SOX5: variants seen among roughly 807,000 people sequenced by gnomAD.
SOX5 encodes the protein transcription factor SOX-5.
A neutral mutation model predicts 92.0 loss-of-function variants in SOX5; 9 were observed. The observed-to-expected ratio is 0.10, with a 90% CI of 0.06 to 0.17. SOX5 has a LOEUF of 0.17. SOX5 is among the 10% of genes least tolerant of loss of function. The pLI is 1.00. For synonymous variants in SOX5, 344 were observed against 336.3 expected, an observed-to-expected ratio of 1.02 and a Z score of -0.25; for missense variants, 642 against 944.5, an observed-to-expected ratio of 0.68 and a Z score of 4.20.
At chr12:24,040,695 A>G (rs897900355) in intron 4 of SOX5, among the ~76,000 whole-genome samples, 4 of 152,030 alleles carry the variant, frequency 2.6e-5, no homozygotes, top group African/African-American at 9.7e-5. Flanking sequence ...ACACGGTGAA[A>G]CCCCATCTCT....
At chr12:23,582,045 G>T in intron 9 of SOX5, 1 of 540,116 alleles carries the variant, frequency 1.9e-6, no homozygotes, top group South Asian at 8.0e-5. Flanking sequence ...CATGAAACAT[G>T]TTGCAAAATT....
At chr12:23,978,190 A>G (rs1949133932) in intron 4 of SOX5, among the ~76,000 whole-genome samples, 1 of 152,216 alleles carries the variant, frequency 6.6e-6, no homozygotes, top group African/African-American at 2.4e-5. Flanking sequence ...ATTTCCAAGA[A>G]CAGATTGACT....
chr12:24,501,338 G>C (rs1453837511), intron 1 of SOX5, among the ~76,000 whole-genome samples: 1 of 149,706 alleles, frequency 6.7e-6, no homozygotes, highest in Admixed American at 6.7e-5. Flanking sequence ...GGCAAGATAT[G>C]TGCGTTTGGG....
intron 4 of SOX5, among the ~76,000 whole-genome samples, chr12:24,068,727 TATATATATATATATATATATACAC>T (rs1157048312): frequency 2.6e-5 from 3 of 113,690 alleles, no homozygotes; most frequent in South Asian, 3.3e-4. Context: ...TATATATATA[TATATATATATATATATATATACAC>T]ACACACACAT....
chr12:24,122,920 C>T (rs1381778720), intron 4 of SOX5, among the ~76,000 whole-genome samples: 1 of 152,234 alleles, frequency 6.6e-6, no homozygotes. Context: ...AGAAACTGCT[C>T]TTGGGCTGCT....
intron 2 of SOX5, among the ~76,000 whole-genome samples, chr12:24,311,768 T>C (rs1403408832): frequency 6.6e-6 from 1 of 152,176 alleles, no homozygotes; most frequent in African/African-American, 2.4e-5. Context: ...TGGCCAGTCA[T>C]AGTATCCCCA....
At chr12:24,171,221 G>T (rs945136041) in intron 4 of SOX5, among the ~76,000 whole-genome samples, 12,743 of 44,334 alleles carry the variant, frequency 0.29, 2,883 homozygotes, top group African/African-American at 0.38. Context: ...TTTTTTGTTT[G>T]TTTGTTTGTT....
At chr12:23,890,296 G>A (rs1011543100) in intron 2 of SOX5, among the ~76,000 whole-genome samples, 2 of 150,436 alleles carry the variant, frequency 1.3e-5, no homozygotes, top group Non-Finnish European at 2.9e-5. Context: ...CTCCAGCCTA[G>A]GCAACAAGAA....
chr12:24,464,446 T>G, intron 1 of SOX5, among the ~76,000 whole-genome samples: 1 of 152,046 alleles, frequency 6.6e-6, no homozygotes, highest in East Asian at 1.9e-4. Flanking sequence ...GTTCACGCTA[T>G]TCTCCTGCCT....
At chr12:24,163,696 T>C (rs914689377) in intron 4 of SOX5, among the ~76,000 whole-genome samples, 1 of 152,014 alleles carries the variant, frequency 6.6e-6, no homozygotes, top group Non-Finnish European at 1.5e-5. Context: ...ATGATTAATC[T>C]CTTCTGAAAA....
At chr12:24,471,434 G>A (rs79352524) in intron 1 of SOX5, among the ~76,000 whole-genome samples, 2,838 of 152,208 alleles carry the variant, frequency 0.019, 97 homozygotes, top group African/African-American at 0.066. Context: ...TAACCTTTCT[G>A]TAAAGATGAC....
At chr12:23,866,234 A>G (rs2096811836) in intron 2 of SOX5, among the ~76,000 whole-genome samples, 1 of 152,212 alleles carries the variant, frequency 6.6e-6, no homozygotes, top group African/African-American at 2.4e-5. Context: ...TATACAAAGG[A>G]AAGGTAACTA....
chr12:24,346,022 G>T (rs1358277761), intron 2 of SOX5, among the ~76,000 whole-genome samples: 1 of 152,176 alleles, frequency 6.6e-6, no homozygotes, highest in African/African-American at 2.4e-5. Context: ...TGGCTTATCT[G>T]ATCCAAATAC....
intron 4 of SOX5, among the ~76,000 whole-genome samples, chr12:24,032,721 A>G (rs1955634051): frequency 6.6e-6 from 1 of 151,908 alleles, no homozygotes; most frequent in Non-Finnish European, 1.5e-5. Context: ...AGTGAAAGAG[A>G]AGTTATAGTT....
At chr12:24,149,853 G>T (rs1593641230) in intron 4 of SOX5, among the ~76,000 whole-genome samples, 1 of 152,194 alleles carries the variant, frequency 6.6e-6, no homozygotes, top group East Asian at 1.9e-4. Flanking sequence ...TGTATTATGT[G>T]ATACACACAA....
chr12:24,155,314 A>G (rs985653305), intron 4 of SOX5, among the ~76,000 whole-genome samples: 7 of 152,174 alleles, frequency 4.6e-5, no homozygotes, highest in African/African-American at 1.7e-4. Context: ...GACAAATGAA[A>G]AATGTTCCCA....
At chr12:24,125,809 T>A (rs879402662) in intron 4 of SOX5, among the ~76,000 whole-genome samples, 1 of 152,154 alleles carries the variant, frequency 6.6e-6, no homozygotes, top group East Asian at 1.9e-4. Context: ...GAGCTTTCTT[T>A]TGGGGATATT....
At chr12:23,869,982 C>T (rs1040884069) in intron 2 of SOX5, among the ~76,000 whole-genome samples, 3 of 152,144 alleles carry the variant, frequency 2.0e-5, no homozygotes, top group African/African-American at 7.2e-5. Flanking sequence ...ATATTTTATA[C>T]ATAGCAGATA....
intron 1 of SOX5, among the ~76,000 whole-genome samples, chr12:23,937,066 G>A (rs915128196): frequency 9.3e-5 from 14 of 150,814 alleles, no homozygotes. Context: ...GTCTCAATAT[G>A]TATTTTTCCA....
Sources: gnomAD v4.1 joint callset for allele counts (sites outside exome capture counted in the v4.1 genomes callset) on GRCh38, gnomAD v4.1.1 for gene constraint, MANE v1.5 for transcripts, NCBI Gene and HGNC (gene_info 2026-07-23, HGNC 2026-07-21) for gene names.